LRMDA: variants seen among roughly 807,000 people sequenced by gnomAD.
LRMDA encodes leucine rich melanocyte differentiation associated.
LRMDA carries 18 observed loss-of-function variants against 29.8 expected under a neutral mutation model. The observed-to-expected ratio is 0.60, with a 90% CI of 0.42 to 0.90. The LOEUF (loss-of-function observed/expected upper bound fraction) is 0.90. Among genes scored for constraint, LRMDA ranks in the 40% least tolerant of loss-of-function variants. The probability of loss-of-function intolerance (pLI) is 0.00; values close to 1 mark genes in which losing one functional copy is unlikely to be tolerated. For missense variants in LRMDA, 273 were observed against 273.9 expected, an observed-to-expected ratio of 1.00 and a Z score of 0.02; for synonymous variants, 125 against 109.4, an observed-to-expected ratio of 1.14 and a Z score of -0.89.
chr10:76,492,560 G>C (rs1193877668), intron 6 of LRMDA, among the ~76,000 whole-genome samples: 3 of 152,026 alleles, frequency 2.0e-5, no homozygotes, highest in Admixed American at 6.6e-5. Flanking sequence ...TTCCCTCTGT[G>C]TGCTGAGCTG....
chr10:75,872,615 T>G (rs1051562229), intron 2 of LRMDA, among the ~76,000 whole-genome samples: 21 of 152,206 alleles, frequency 1.4e-4, no homozygotes, highest in African/African-American at 4.8e-4. Flanking sequence ...ATTTGTTCTA[T>G]TCTCTGTTCT....
intron 6 of LRMDA, among the ~76,000 whole-genome samples, chr10:76,485,892 A>G (rs112247136): frequency 4.6e-5 from 7 of 152,016 alleles, no homozygotes; most frequent in African/African-American, 9.6e-5. Context: ...TGGGACTGCT[A>G]TAGCTCCCAG....
intron 2 of LRMDA, among the ~76,000 whole-genome samples, chr10:75,621,224 A>ACACCCC (rs1554816440): frequency 1.4e-5 from 2 of 143,168 alleles, no homozygotes; most frequent in Non-Finnish European, 3.1e-5. Flanking sequence ...ACACACACAC[A>ACACCCC]CCCACACACC....
At chr10:76,476,250 T>G (rs896743123) in intron 6 of LRMDA, among the ~76,000 whole-genome samples, 1 of 151,748 alleles carries the variant, frequency 6.6e-6, no homozygotes, top group African/African-American at 2.4e-5. Flanking sequence ...TACAAACTAC[T>G]ATCAGAGAAT....
At chr10:75,727,270 A>C (rs1842642375) in intron 2 of LRMDA, among the ~76,000 whole-genome samples, 1 of 152,158 alleles carries the variant, frequency 6.6e-6, no homozygotes, top group African/African-American at 2.4e-5. Context: ...GGAGATATGA[A>C]AGGTCAGCAT....
intron 2 of LRMDA, among the ~76,000 whole-genome samples, chr10:76,001,993 C>A (rs1442489661): frequency 6.6e-6 from 1 of 152,144 alleles, no homozygotes; most frequent in Non-Finnish European, 1.5e-5. Context: ...TGGTGTCTTA[C>A]TCAGCTTGGG....
intron 2 of LRMDA, among the ~76,000 whole-genome samples, chr10:75,550,449 T>G (rs1840128488): frequency 6.6e-6 from 1 of 152,148 alleles, no homozygotes; most frequent in African/African-American, 2.4e-5. Flanking sequence ...TTCCTTGTTC[T>G]GAAACCTACT....
In LRMDA at chr10:76,135,907, C is replaced by T. The variant is rs537186997; in HGVS notation, c.516+77124C>T. ...CACTTACCTGGGGTTAGGACTTCAA[C>T]ATCTTTTTGGGAGAACACAATTCAA... On this transcript the variant is annotated intron_variant, in intron 5 of 6. Coordinates refer to ENST00000611255, the MANE Select transcript of LRMDA (RefSeq NM_001305581.2). Among the ~76,000 whole-genome samples, 7 of 152,186 alleles carry T rather than the reference C, an allele frequency of 4.6e-5. No individual in the cohort carries two copies. The South Asian group carries it at 1.2e-3, about 27-fold the overall frequency.
In LRMDA at chr10:75,447,768, C is replaced by T. The variant is rs151028063; in HGVS notation, c.131+9274C>T. On this transcript the variant is annotated intron_variant, in intron 2 of 6. Transcript: ENST00000611255. ...ATAATTAGCTGGGTGTGGTGGCATGCACCTGTAGTTTCAGCTACTTGGGAG... is the reference window on the plus strand; with the variant it reads ...ATAATTAGCTGGGTGTGGTGGCATGTACCTGTAGTTTCAGCTACTTGGGAG... Among the ~76,000 whole-genome samples, 3 of 152,164 alleles carry T rather than the reference C, an allele frequency of 2.0e-5. No homozygotes were observed. In the East Asian group the frequency reaches 5.8e-4, roughly 30 times the overall value.
Position 76,466,585 on chromosome 10 carries a change from C to T in LRMDA, c.602-90624C>T, listed in dbSNP as rs185258360. 2.9e-3 allele frequency among the ~76,000 whole-genome samples: 438 copies of T among 152,142 alleles called. 3 individuals are homozygous for T. Among genetic ancestry groups the T allele is most frequent in the Middle Eastern group, 0.027 (8 of 294 alleles). On this transcript the variant is annotated intron_variant, in intron 6 of 6. Transcript: ENST00000611255. ...CTGACGTAGGTGGATTGTTTGAGAC[C>T]AGGAGTTTGAGACCAGCCTGGGCAA...
chr10:76,145,356 C>T (rs917118990), intron 5 of LRMDA, among the ~76,000 whole-genome samples: 3 of 152,154 alleles, frequency 2.0e-5, no homozygotes, highest in African/African-American at 7.2e-5. Context: ...TGATTATTGC[C>T]TCAATTTCAG....
chr10:76,367,764 C>G (rs953843006), intron 6 of LRMDA, among the ~76,000 whole-genome samples: 2 of 152,004 alleles, frequency 1.3e-5, no homozygotes, highest in African/African-American at 4.8e-5. Context: ...TTTTAAATGA[C>G]CATTTCAATC....
intron 2 of LRMDA, among the ~76,000 whole-genome samples, chr10:75,725,243 C>CA (rs1368024686): frequency 6.6e-6 from 1 of 152,108 alleles, no homozygotes; most frequent in Non-Finnish European, 1.5e-5. Context: ...GTTGTTCTTT[C>CA]AAAACAAAAT....
At chr10:75,818,171 A>T (rs1329562984) in intron 2 of LRMDA, among the ~76,000 whole-genome samples, 1 of 152,184 alleles carries the variant, frequency 6.6e-6, no homozygotes, top group Non-Finnish European at 1.5e-5. Context: ...GGTTAGTCAC[A>T]TACCCACACC....
At chr10:75,900,776 AC>A (rs548520868) in intron 2 of LRMDA, among the ~76,000 whole-genome samples, 20 of 151,406 alleles carry the variant, frequency 1.3e-4, no homozygotes, top group African/African-American at 3.4e-4. Context: ...CTCCATGCCC[AC>A]CCCCCCACCT....
chr10:75,782,870 A>G, intron 2 of LRMDA: 2 of 1,577,840 alleles, frequency 1.3e-6, no homozygotes, highest in Non-Finnish European at 1.7e-6. Flanking sequence ...CCTTGCCCCC[A>G]AAGCCGTGGA....
intron 6 of LRMDA, among the ~76,000 whole-genome samples, chr10:76,370,031 G>T (rs2132456682): frequency 6.6e-6 from 1 of 152,198 alleles, no homozygotes; most frequent in African/African-American, 2.4e-5. Context: ...TTAGGGTAAG[G>T]AGCAATAATG....
intron 2 of LRMDA, among the ~76,000 whole-genome samples, chr10:75,600,748 T>A (rs1840874009): frequency 6.6e-6 from 1 of 152,202 alleles, no homozygotes; most frequent in South Asian, 2.1e-4. Flanking sequence ...CCATGAGATT[T>A]ATCAAATAAA....
chr10:75,431,785 G>A (rs1413934733), intron 1 of LRMDA, 31 bp downstream of exon 1: 2 of 1,345,068 alleles, frequency 1.5e-6, no homozygotes, highest in Admixed American at 3.1e-5. Context: ...CCTCCGCCCG[G>A]GGCGCAGTCC....
Sources: allele counts gnomAD v4.1 joint callset (sites outside exome capture counted in the v4.1 genomes callset), GRCh38; gene constraint gnomAD v4.1.1; transcripts MANE v1.5; gene names NCBI Gene and HGNC (gene_info 2026-07-23, HGNC 2026-07-21).